ZDHHC8: variants seen among roughly 807,000 people sequenced by gnomAD.
The protein encoded by ZDHHC8 is palmitoyltransferase ZDHHC8.
In ZDHHC8, 24 loss-of-function variants were observed where a neutral mutation model predicts 61.2. That is an observed-to-expected ratio of 0.39 (90% CI 0.28 to 0.55). The LOEUF is 0.55. Ranked by LOEUF, ZDHHC8 falls within the 20% of genes least tolerant of loss-of-function variation. The probability of loss-of-function intolerance (pLI) is 0.60; values close to 1 mark genes in which losing one functional copy is unlikely to be tolerated. For synonymous variants in ZDHHC8, 523 were observed against 492.5 expected (o/e 1.06, Z -0.82); for missense variants, 935 against 1,102.1 (o/e 0.85, Z 2.15).
intron 1 of ZDHHC8, among the ~76,000 whole-genome samples, chr22:20,133,852 C>A (rs1568990518): frequency 6.6e-6 from 1 of 152,170 alleles, no homozygotes; most frequent in Admixed American, 6.5e-5. Flanking sequence ...TCCTCTGTTC[C>A]TGGCGCCGCG....
At chr22:20,133,382 G>T (rs1318290725) in intron 1 of ZDHHC8, among the ~76,000 whole-genome samples, 1 of 152,174 alleles carries the variant, frequency 6.6e-6, no homozygotes, top group African/African-American at 2.4e-5. Flanking sequence ...GGGGGGTCTG[G>T]CTTGGTTCCT....
chr22:20,134,524 G>A (rs2050404117), intron 1 of ZDHHC8, among the ~76,000 whole-genome samples: 1 of 152,226 alleles, frequency 6.6e-6, no homozygotes, highest in African/African-American at 2.4e-5. Context: ...CACAGGAAGG[G>A]GAGCAGGTTG....
Position 20,139,595 on chromosome 22 carries a change from C to T in ZDHHC8, c.344C>T (p.Pro115Leu). 1.2e-6 allele frequency: 2 copies of T among 1,613,200 alleles called. No individual in the cohort carries two copies. Among genetic ancestry groups the T allele is most frequent in the Non-Finnish European group, 1.7e-6 (2 of 1,180,008 alleles). ...WCATCHFYRP[P>L]RCSHCSVCDN... ...GCCACGTGCCACTTCTACCGCCCGC[C>T]GCGCTGCTCCCACTGCAGCGTCTGT... Residue 115 changes from proline to leucine, a missense_variant, in exon 3 of 11, where the codon CCG becomes CTG. Physicochemically the swap from Pro to Leu is moderately conservative, Grantham distance 98. Coordinates refer to ENST00000334554, the MANE Select transcript of ZDHHC8 (RefSeq NM_013373.4).
rs1421780754 is a variant in ZDHHC8, at chr22:20,131,887, C to G, written c.-61C>G. On this transcript the variant is annotated 5_prime_UTR_variant, in exon 1 of 11. Coordinates refer to ENST00000334554, the MANE Select transcript of ZDHHC8 (RefSeq NM_013373.4). ...CCAGCCCGCCCGCCCGACCCCGGCC[C>G]GACCCCGGCCGGCCCTGCCCGCCCG... 7 of 765,860 alleles carry G rather than the reference C, an allele frequency of 9.1e-6. No individual in the cohort carries two copies. In the Admixed American group the frequency reaches 1.9e-4, roughly 21 times the overall value. 47.4% of individuals were successfully genotyped at this position (765,860 alleles called of 1,614,324 possible).
Position 20,139,524 on chromosome 22 carries a change from C to A in ZDHHC8, c.273C>A (p.Tyr91Ter). ...DKEDDFRAPL[Y>*]KNVDVRGIQV... ...AGGACGACTTCCGGGCTCCGCTGTA[C>A]AAGAACGTGGATGTGCGAGGTATCC... Residue 91 changes from tyrosine to a stop codon, truncating the protein, a stop_gained, in exon 3 of 11, where the codon TAC becomes TAA. Transcript: ENST00000334554. LOFTEE classifies it high-confidence loss of function. The A allele has an allele frequency of 6.2e-7, 1 of 1,613,622 alleles. No individual in the cohort carries two copies.
At position 20,147,576 on chromosome 22, in the gene ZDHHC8, G is replaced by GGT. The variant is rs527254407; in HGVS notation, c.*2177_*2178insTG. 58 of 223,498 alleles carry GGT rather than the reference G, an allele frequency of 2.6e-4. No homozygotes were observed. The South Asian group carries it at 8.7e-3, about 34-fold the overall frequency. The allele number at this position is 223,498 out of a possible 1,614,324, so 13.8% of individuals were successfully genotyped here. ...GGCCTCCGTGGGTTGGGCTGGGTGG[G>GGT]GGGGGGGTCTCAGGTTGCCCCTGAA... On this transcript the variant is annotated 3_prime_UTR_variant, in exon 11 of 11. Coordinates refer to ENST00000334554, the MANE Select transcript of ZDHHC8 (RefSeq NM_013373.4).
At position 20,140,726 on chromosome 22, in the gene ZDHHC8, C is replaced by T; in HGVS notation, c.752+18C>T. 6.2e-7 allele frequency: 1 copy of T among 1,605,676 alleles called. No individual in the cohort carries two copies. Among genetic ancestry groups the T allele is most frequent in the Admixed American group, 1.7e-5 (1 of 59,414 alleles). ...GCGCCCCGGTGAGGCCCGGCCTGGG[C>T]AGGGTGGAGGGGGGCCTCTGCTGGG... On this transcript the variant is annotated intron_variant, in intron 6 of 10. Coordinates refer to ENST00000334554, the MANE Select transcript of ZDHHC8 (RefSeq NM_013373.4).
Position 20,147,089 on chromosome 22 carries a change from A to G in ZDHHC8, c.*1689A>G, listed in dbSNP as rs1054319286. 2.6e-6 allele frequency: 4 copies of G among 1,529,854 alleles called. No individual in the cohort carries two copies. The African/African-American group carries it at 5.6e-5, about 21-fold the overall frequency. 94.8% of individuals were successfully genotyped at this position (1,529,854 alleles called of 1,614,324 possible). A position where few individuals can be genotyped will look rare whatever the true frequency, so the allele number is the denominator to read the frequency against. On this transcript the variant is annotated 3_prime_UTR_variant, in exon 11 of 11. Coordinates refer to ENST00000334554, the MANE Select transcript of ZDHHC8 (RefSeq NM_013373.4). ...CAGCCTTGGGTGCCTCCTGGGCTGC[A>G]CCTGTGCCACCTTGGCCGCCCGGAG...
Position 20,131,853 on chromosome 22 carries a change from G to T in ZDHHC8, c.-95G>T. 2.6e-6 allele frequency: 1 copy of T among 380,462 alleles called. No homozygotes were observed. The highest frequency in any genetic ancestry group is 3.6e-6 in the Non-Finnish European group (1 of 279,362). 23.6% of individuals were successfully genotyped at this position (380,462 alleles called of 1,614,324 possible). On this transcript the variant is annotated 5_prime_UTR_variant, in exon 1 of 11. Transcript: ENST00000334554. Reference sequence around the variant, plus strand: ...CGCCGCCGCCGCCGCCGCGGGTCCTGCGCCGCGTCCAGCCCGCCCGCCCGA... The same window carrying T: ...CGCCGCCGCCGCCGCCGCGGGTCCTTCGCCGCGTCCAGCCCGCCCGCCCGA...
At chr22:20,135,402 G>T (rs1177320629) in intron 1 of ZDHHC8, among the ~76,000 whole-genome samples, 1 of 152,220 alleles carries the variant, frequency 6.6e-6, no homozygotes, top group Non-Finnish European at 1.5e-5. Flanking sequence ...CCACATTGCA[G>T]AATGACAGGG....
chr22:20,136,424 G>A (rs192725828), intron 1 of ZDHHC8, among the ~76,000 whole-genome samples: 58 of 152,294 alleles, frequency 3.8e-4, no homozygotes, highest in Non-Finnish European at 5.7e-4. Flanking sequence ...GTGTCCTCCC[G>A]TGTTCTTGCG....
chr22:20,138,327 C>T (rs1017123004), intron 1 of ZDHHC8, among the ~76,000 whole-genome samples: 3 of 152,226 alleles, frequency 2.0e-5, no homozygotes, highest in Non-Finnish European at 4.4e-5. Context: ...AGACAAGGAG[C>T]CTGAGGCCAG....
In ZDHHC8 at chr22:20,143,319, C is replaced by T. The variant is rs1164595327; in HGVS notation, c.1689C>T (p.Arg563=). 2.1e-5 allele frequency: 33 copies of T among 1,595,254 alleles called. No individual in the cohort carries two copies. The highest frequency in any genetic ancestry group is 2.7e-5 in the Non-Finnish European group (32 of 1,174,152). The part of the protein sequence containing the change: ...QERKDREERE[R]LLRSQADSLF... ...GCAAGGACAGGGAGGAGCGTGAGCG[C>T]CTGCTGCGCTCCCAGGCCGACTCAC... The change falls in exon 10 of 11, where the codon CGC becomes CGT. Residue 563 remains arginine, a synonymous_variant. Coordinates refer to ENST00000334554, the MANE Select transcript of ZDHHC8 (RefSeq NM_013373.4).
At position 20,139,541 on chromosome 22, in the gene ZDHHC8, G is replaced by A. The variant is rs779780574; in HGVS notation, c.290G>A (p.Arg97Gln). 3.7e-6 allele frequency: 6 copies of A among 1,613,498 alleles called. No homozygotes were observed. The highest frequency in any genetic ancestry group is 3.3e-5 in the Admixed American group (2 of 60,024). Residue 97 changes from arginine (R) to glutamine (Q), a missense_variant, in exon 3 of 11, where the codon CGA becomes CAA. By Grantham distance (43) the Arg-to-Gln change is conservative (BLOSUM62 1). Around this residue, in one of 3 missense-constraint regions of ZDHHC8, gnomAD observed 199 missense variants for 334.0 expected, o/e 0.60. Coordinates refer to ENST00000334554, the MANE Select transcript of ZDHHC8 (RefSeq NM_013373.4). Reference sequence around the variant, plus strand: ...CCGCTGTACAAGAACGTGGATGTGCGAGGTATCCAGGTCCGCATGAAGTGG... The same window carrying A: ...CCGCTGTACAAGAACGTGGATGTGCAAGGTATCCAGGTCCGCATGAAGTGG... ...RAPLYKNVDV[R>Q]GIQVRMKWCA... is the part of the protein sequence containing the mutation.
In ZDHHC8 at chr22:20,143,344, C is replaced by A; in HGVS notation, c.1714C>A (p.Leu572Ile). 6 of 1,586,762 alleles carry A rather than the reference C, an allele frequency of 3.8e-6. No individual in the cohort carries two copies. Among genetic ancestry groups the A allele is most frequent in the Non-Finnish European group, 5.1e-6 (6 of 1,169,714 alleles). ...ERLLRSQADS[L>I]FGDSGVYDAP... Reference sequence around the variant, plus strand: ...CCTGCTGCGCTCCCAGGCCGACTCACTCTTCGGCGACTCAGGCGTCTATGA... The same window carrying A: ...CCTGCTGCGCTCCCAGGCCGACTCAATCTTCGGCGACTCAGGCGTCTATGA... Residue 572 changes from leucine (L) to isoleucine (I), a missense_variant, in exon 10 of 11, where the codon CTC (leucine) becomes ATC (isoleucine). Leu to Ile is a conservative substitution (Grantham distance 5). Around this residue, in one of 3 missense-constraint regions of ZDHHC8, gnomAD observed 692 missense variants for 731.4 expected, o/e 0.95. Coordinates refer to ENST00000334554, the MANE Select transcript of ZDHHC8 (RefSeq NM_013373.4).
Position 20,145,263 on chromosome 22 carries a change from C to A in ZDHHC8, c.2161C>A (p.Leu721Ile). 6.5e-7 allele frequency: 1 copy of A among 1,541,002 alleles called. No individual in the cohort carries two copies. The highest frequency in any genetic ancestry group is 1.2e-5 in the South Asian group (1 of 82,674). The change falls in exon 11 of 11, where the codon CTT (leucine) becomes ATT (isoleucine). Residue 721 changes from leucine to isoleucine, a missense_variant. Transcript: ENST00000334554. ...TCAGCTGAAGACTCCCCCAAGTAAG[C>A]TTAATGGGCAGTCCCCGGGCCTGGC... ...HPQLKTPPSK[L>I]NGQSPGLARL...
Position 20,145,412 on chromosome 22 carries a change from C to T in ZDHHC8, c.*12C>T, listed in dbSNP as rs2050512761. The T allele has an allele frequency of 4.0e-6, 6 of 1,501,896 alleles. No individual in the cohort carries two copies. Among genetic ancestry groups the T allele is most frequent in the African/African-American group, 2.9e-5 (2 of 70,010 alleles). The allele number at this position is 1,501,896 out of a possible 1,614,324, so 93.0% of individuals were successfully genotyped here. ...AGATCTCGGTGTGAGGACTGACTGC[C>T]ACACATCCGCCATGGTGCCACGGGG... On this transcript the variant is annotated 3_prime_UTR_variant, in exon 11 of 11. Transcript: ENST00000334554.
chr22:20,135,849 G>A (rs943502545), intron 1 of ZDHHC8, among the ~76,000 whole-genome samples: 3 of 152,266 alleles, frequency 2.0e-5, no homozygotes, highest in Admixed American at 6.5e-5. Context: ...CGCCGGTCCC[G>A]AGCGCCCCAC....
chr22:20,142,014 C>T (rs779233875), intron 9 of ZDHHC8, among the ~76,000 whole-genome samples: 3 of 152,124 alleles, frequency 2.0e-5, no homozygotes, highest in Non-Finnish European at 2.9e-5. Flanking sequence ...GTGGGCAGTG[C>T]GGGGCGGTCT....
Sources: gnomAD v4.1 joint callset for allele counts (sites outside exome capture counted in the v4.1 genomes callset) on GRCh38, gnomAD v4.1.1 for gene constraint, gnomAD v4.1.1 regional missense constraint, MANE v1.5 for transcripts, NCBI Gene and HGNC (gene_info 2026-07-23, HGNC 2026-07-21) for gene names.